The following NUMA1 variants were observed in gnomAD, a reference collection of about 807,000 sequenced individuals.
NUMA1 encodes SP-H antigen.
Under a neutral mutation model 237.1 loss-of-function variants are expected in NUMA1, and 62 were observed. That is an observed-to-expected ratio of 0.26 (90% CI 0.21 to 0.32). NUMA1 has a LOEUF of 0.32. NUMA1 is among the 10% of genes least tolerant of loss of function. The probability of loss-of-function intolerance (pLI) is 1.00; values close to 1 mark genes in which losing one functional copy is unlikely to be tolerated. For synonymous variants in NUMA1, 1,028 were observed against 1,066.1 expected (o/e 0.96, Z 0.70); for missense variants, 2,533 against 2,666.5 (o/e 0.95, Z 1.10).
chr11:72,061,513 C>T lies in NUMA1; in HGVS notation c.-33+8329G>A, dbSNP rs1296852206. ...TTTTTTTTTTTTTTTTTTTTTGAGACAGAGCCTCATTCTGTTGCCCAGGCT... is the reference window on the plus strand; with the variant it reads ...TTTTTTTTTTTTTTTTTTTTTGAGATAGAGCCTCATTCTGTTGCCCAGGCT... On this transcript the variant is annotated intron_variant, in intron 2 of 26. Coordinates refer to ENST00000393695, the MANE Select transcript of NUMA1 (RefSeq NM_006185.4). Among the ~76,000 whole-genome samples, 7 of 72,246 alleles carry T rather than the reference C, an allele frequency of 9.7e-5. No homozygotes were observed. In the South Asian group the frequency reaches 2.0e-3, roughly 20 times the overall value. The allele number at this position is 72,246 out of a possible 152,430, so 47.4% of individuals were successfully genotyped here.
At chr11:72,005,173 A>C in intron 23 of NUMA1, 60 bp downstream of exon 23, 1 of 1,500,072 alleles carries the variant, frequency 6.7e-7, no homozygotes, top group Non-Finnish European at 8.9e-7. Flanking sequence ...CTAGATCAGC[A>C]GGTGGGATTC....
intron 4 of NUMA1, among the ~76,000 whole-genome samples, chr11:72,025,311 C>A (rs1242446256): frequency 1.3e-5 from 2 of 152,064 alleles, no homozygotes; most frequent in African/African-American, 4.8e-5. Context: ...GCCCAGGAGG[C>A]TGAGGCAGGA....
At chr11:72,053,621 G>A (rs906879483) in intron 2 of NUMA1, among the ~76,000 whole-genome samples, 3 of 152,182 alleles carry the variant, frequency 2.0e-5, no homozygotes, top group Non-Finnish European at 4.4e-5. Context: ...TTTACAGAAT[G>A]CAGTGCAAAA....
At chr11:72,034,151 T>C (rs1271123177) in intron 3 of NUMA1, among the ~76,000 whole-genome samples, 1 of 152,128 alleles carries the variant, frequency 6.6e-6, no homozygotes. Flanking sequence ...GGCTCTCCAA[T>C]TGGCCCTGAT....
chr11:72,021,363 C>G, intron 7 of NUMA1, 72 bp from the exon 8 acceptor site: 1 of 1,353,832 alleles, frequency 7.4e-7, no homozygotes, highest in Non-Finnish European at 1.1e-6. Flanking sequence ...AGGAGCTCCA[C>G]CCTGGCAGTG....
chr11:72,013,515 T>C lies in NUMA1; in HGVS notation c.3988A>G (p.Lys1330Glu), dbSNP rs571462281. 6.2e-7 allele frequency: 1 copy of C among 1,613,556 alleles called. No homozygotes were observed. Among genetic ancestry groups the C allele is most frequent in the Admixed American group, 1.7e-5 (1 of 60,028 alleles). Residue 1330 changes from lysine (K) to glutamate (E), a missense_variant, in exon 15 of 27, where the codon AAG (lysine) becomes GAG (glutamate). Coordinates refer to ENST00000393695, the MANE Select transcript of NUMA1 (RefSeq NM_006185.4). The surrounding 1 kb of genome is among the most constrained non-coding windows in gnomAD (Gnocchi z 6.8). ...TGGAAGAACTTCTCCTGCCACGCCTTCAATTCTTGGCCCAGCTCCTCCGCA... is the reference window on the plus strand; with the variant it reads ...TGGAAGAACTTCTCCTGCCACGCCTCCAATTCTTGGCCCAGCTCCTCCGCA... ...ERAEELGQEL[K>E]AWQEKFFQKE... is the part of the protein sequence containing the mutation.
intron 2 of NUMA1, among the ~76,000 whole-genome samples, chr11:72,056,593 T>C (rs1295403612): frequency 7.4e-6 from 1 of 136,008 alleles, no homozygotes; most frequent in Non-Finnish European, 1.5e-5. Flanking sequence ...GTGCTGGGAT[T>C]ACTGGCATGA....
rs1955510824 is a variant in NUMA1 at position 72,004,250 on chromosome 11, T to G, written c.6098A>C (p.Lys2033Thr). ...RKQSTTEAQK[K>T]AAPASTKQAD... ...CTGTTTAGTAGAAGCTGGAGCTGCT[T>G]TCTTCTGGGCCTCAGTAGTGCTCTG... The change falls in exon 25 of 27, where the codon AAA (lysine) becomes ACA (threonine). Residue 2033 changes from lysine to threonine, a missense_variant. Physicochemically the swap from Lys to Thr is moderately conservative, Grantham distance 78 (BLOSUM62 -1). Coordinates refer to ENST00000393695, the MANE Select transcript of NUMA1 (RefSeq NM_006185.4). The G allele has an allele frequency of 6.2e-7, 1 of 1,611,658 alleles. No individual in the cohort carries two copies. The highest frequency in any genetic ancestry group is 1.3e-5 in the African/African-American group (1 of 74,632).
At chr11:72,060,872 C>T (rs978326939) in intron 2 of NUMA1, among the ~76,000 whole-genome samples, 46 of 152,078 alleles carry the variant, frequency 3.0e-4, no homozygotes, top group Non-Finnish European at 2.5e-4. Flanking sequence ...AGAATCGAGA[C>T]TGTCCTGGCC....
chr11:72,012,514 T>G (rs1423152069), intron 15 of NUMA1, 72 bp from the exon 16 acceptor site: 3 of 1,407,280 alleles, frequency 2.1e-6, no homozygotes, highest in Non-Finnish European at 3.0e-6. Flanking sequence ...GCTGCCAGGC[T>G]GACCTCACTG....
At chr11:72,065,774 G>C (rs1447123922) in intron 2 of NUMA1, 1 of 152,210 alleles carries the variant, frequency 6.6e-6, no homozygotes, top group Non-Finnish European at 1.5e-5. Flanking sequence ...CCACTAGCAA[G>C]AAGACTGTTC....
At chr11:72,011,670 G>C (rs749869692) in intron 16 of NUMA1, among the ~76,000 whole-genome samples, 4 of 152,036 alleles carry the variant, frequency 2.6e-5, no homozygotes, top group Non-Finnish European at 4.4e-5. Flanking sequence ...GGGTAGGAGA[G>C]TGATGGAGAA....
chr11:72,065,294 CTTAT>C (rs1943148836), intron 2 of NUMA1: 1 of 151,984 alleles, frequency 6.6e-6, no homozygotes, highest in African/African-American at 2.4e-5. Context: ...TATTTGGGGA[CTTAT>C]TTGTTATATC....
Position 72,018,242 on chromosome 11 carries a change from T to C in NUMA1, c.919A>G (p.Ser307Gly), listed in dbSNP as rs1938174922. 6.2e-7 allele frequency: 1 copy of C among 1,614,216 alleles called. No homozygotes were observed. Among genetic ancestry groups the C allele is most frequent in the East Asian group, 2.2e-5 (1 of 44,874 alleles). ...KQCQDLKTEK[S>G]QMDRKINQLS... ...TGGTTGATTTTGCGATCCATCTGGC[T>C]CTTCTCTGTCTTCAGGTCCTGGCAC... is the stretch of plus-strand genomic sequence containing the variant. Residue 307 changes from serine to glycine, a missense_variant, in exon 12 of 27, where the codon AGC becomes GGC. Physicochemically the swap from Ser to Gly is moderately conservative, Grantham distance 56 (BLOSUM62 0). Around this residue, in one of 3 missense-constraint regions of NUMA1, gnomAD observed 1,414 missense variants for 1,508.1 expected, o/e 0.94. Transcript: ENST00000393695.
At chr11:72,052,899 C>T (rs566959442) in intron 2 of NUMA1, among the ~76,000 whole-genome samples, 1 of 152,226 alleles carries the variant, frequency 6.6e-6, no homozygotes, top group East Asian at 1.9e-4. Context: ...ATGATCAGGG[C>T]TATGTTTCAG....
intron 3 of NUMA1, among the ~76,000 whole-genome samples, chr11:72,029,605 AG>A (rs1940030443): frequency 6.6e-6 from 1 of 152,230 alleles, no homozygotes; most frequent in African/African-American, 2.4e-5. Context: ...GCTTCTAAAG[AG>A]AGGAACTTGA....
intron 2 of NUMA1, among the ~76,000 whole-genome samples, chr11:72,043,937 A>C (rs1941844780): frequency 1.3e-5 from 2 of 152,174 alleles, no homozygotes; most frequent in South Asian, 4.1e-4. Context: ...CAATAAATAC[A>C]TAAATAAATG....
intron 3 of NUMA1, among the ~76,000 whole-genome samples, chr11:72,034,621 T>A (rs187484014): frequency 6.6e-6 from 1 of 151,864 alleles, no homozygotes; most frequent in African/African-American, 2.4e-5. Flanking sequence ...AGCAGGAGAA[T>A]TGCTTGAACC....
At chr11:72,055,858 G>A (rs899999532) in intron 2 of NUMA1, among the ~76,000 whole-genome samples, 9 of 151,452 alleles carry the variant, frequency 5.9e-5, no homozygotes, top group Non-Finnish European at 1.0e-4. Flanking sequence ...GCTTACACCT[G>A]TAATCTTAGC....
Sources: gnomAD v4.1 joint callset for allele counts (sites outside exome capture counted in the v4.1 genomes callset) on GRCh38, gnomAD v4.1.1 for gene constraint, gnomAD v4.1.1 regional missense constraint, Gnocchi (gnomAD v3.1) non-coding constraint, MANE v1.5 for transcripts, NCBI Gene and HGNC (gene_info 2026-07-23, HGNC 2026-07-21) for gene names.